Variants in CADM2 observed in about 807,000 individuals in gnomAD.
The protein encoded by CADM2 is cell adhesion molecule 2.
A neutral mutation model predicts 49.8 loss-of-function variants in CADM2; 12 were observed. That is an observed-to-expected ratio of 0.24 (90% CI 0.15 to 0.39). The LOEUF (loss-of-function observed/expected upper bound fraction) is 0.39, where lower values mean the gene tolerates loss of function less well. Ranked by LOEUF, CADM2 falls within the 10% of genes least tolerant of loss-of-function variation. The pLI, the probability that CADM2 is intolerant of heterozygous loss-of-function variation, is 1.00. For synonymous variants in CADM2, 214 were observed against 175.4 expected (o/e 1.22, Z -1.74); for missense variants, 378 against 492.3 (o/e 0.77, Z 2.20).
rs1739661351 is a variant in CADM2, at chr3:86,069,559, G to T, written c.*2776G>T. On this transcript the variant is annotated 3_prime_UTR_variant, in exon 10 of 10. Coordinates refer to ENST00000383699, the MANE Select transcript of CADM2 (RefSeq NM_001167675.2). ...TGCTCATTTCTATTCCAACAAGTCA[G>T]AAAATAATGACATAATATTTCTAAA... 6.6e-6 allele frequency: 1 copy of T among 151,864 alleles called. No individual in the cohort carries two copies. Among genetic ancestry groups the T allele is most frequent in the Non-Finnish European group, 1.5e-5 (1 of 67,874 alleles). The allele number at this position is 151,864 out of a possible 1,614,324, so 9.4% of individuals were successfully genotyped here.
chr3:85,392,794 C>T (rs1162307053), intron 1 of CADM2, among the ~76,000 whole-genome samples: 1 of 151,954 alleles, frequency 6.6e-6, no homozygotes, highest in Non-Finnish European at 1.5e-5. Flanking sequence ...ATAAATAAAA[C>T]AAAGCAAAAC....
At chr3:85,939,438 G>T (rs1466234692) in intron 7 of CADM2, among the ~76,000 whole-genome samples, 2 of 145,430 alleles carry the variant, frequency 1.4e-5, no homozygotes, top group Non-Finnish European at 3.0e-5. Flanking sequence ...CTTTCAGGCA[G>T]CAGCATTCTC....
chr3:85,147,714 T>C (rs1448997035), intron 1 of CADM2, among the ~76,000 whole-genome samples: 1 of 152,172 alleles, frequency 6.6e-6, no homozygotes, highest in Admixed American at 6.5e-5. Context: ...TATCTATCTA[T>C]AAATTTGTTC....
intron 2 of CADM2, among the ~76,000 whole-genome samples, chr3:85,786,053 A>G (rs2070967326): frequency 6.6e-6 from 1 of 152,042 alleles, no homozygotes; most frequent in East Asian, 1.9e-4. Context: ...TTTCCTCCCA[A>G]TATGATAGTG....
intron 1 of CADM2, among the ~76,000 whole-genome samples, chr3:85,393,256 G>C (rs2034608535): frequency 6.6e-6 from 1 of 152,092 alleles, no homozygotes; most frequent in Non-Finnish European, 1.5e-5. Context: ...TTCAGAACTT[G>C]ATGGTAAATT....
intron 1 of CADM2, among the ~76,000 whole-genome samples, chr3:85,627,002 G>A (rs1332867364): frequency 1.3e-5 from 2 of 152,104 alleles, no homozygotes; most frequent in African/African-American, 4.8e-5. Context: ...CAGTGTGTAG[G>A]AATTTTAGTT....
intron 1 of CADM2, among the ~76,000 whole-genome samples, chr3:85,175,963 C>G (rs1282752833): frequency 8.8e-6 from 1 of 113,194 alleles, no homozygotes; most frequent in African/African-American, 3.6e-5. Context: ...GAGTCTCGCT[C>G]TGTCGCCCAG....
intron 1 of CADM2, among the ~76,000 whole-genome samples, chr3:85,441,260 T>C (rs2037190019): frequency 6.6e-6 from 1 of 152,006 alleles, no homozygotes; most frequent in Non-Finnish European, 1.5e-5. Context: ...AACAATCTAA[T>C]TCATAATGCC....
intron 1 of CADM2, among the ~76,000 whole-genome samples, chr3:85,306,084 T>A (rs762279409): frequency 3.3e-5 from 5 of 151,678 alleles, no homozygotes; most frequent in African/African-American, 4.8e-5. Flanking sequence ...CTGAGATAAA[T>A]ATATTATTTG....
At chr3:85,624,916 A>C (rs557261319) in intron 1 of CADM2, among the ~76,000 whole-genome samples, 29 of 152,272 alleles carry the variant, frequency 1.9e-4, no homozygotes, top group African/African-American at 7.0e-4. Context: ...TTAAGTCCAT[A>C]TAGTAGATTG....
intron 1 of CADM2, among the ~76,000 whole-genome samples, chr3:85,541,034 G>T (rs182541443): frequency 3.3e-4 from 50 of 151,868 alleles, no homozygotes; most frequent in Admixed American, 1.8e-3. Context: ...GCAGGTTATG[G>T]CTTCAATATG....
intron 1 of CADM2, among the ~76,000 whole-genome samples, chr3:85,645,015 G>A (rs1448245957): frequency 6.6e-6 from 1 of 151,894 alleles, no homozygotes; most frequent in African/African-American, 2.4e-5. Flanking sequence ...ATTTTTGGAG[G>A]TGTATACTAA....
rs375656398 is a variant in CADM2 at position 85,792,850 on chromosome 3, G to A, written c.89-9197G>A. Among the ~76,000 whole-genome samples the A allele has an allele frequency of 1.4e-4, 21 of 152,154 alleles. No individual in the cohort carries two copies. The South Asian group carries it at 3.1e-3, about 23-fold the overall frequency. On this transcript the variant is annotated intron_variant, in intron 2 of 9. Transcript: ENST00000383699. Reference sequence around the variant, plus strand: ...TTCAAAGATCTCTCTTTACTACTTCGCTTATTGCTTTTATGCTCTAAGGTT... The same window carrying A: ...TTCAAAGATCTCTCTTTACTACTTCACTTATTGCTTTTATGCTCTAAGGTT...
At chr3:85,566,694 G>T (rs1353405647) in intron 1 of CADM2, among the ~76,000 whole-genome samples, 1 of 152,120 alleles carries the variant, frequency 6.6e-6, no homozygotes, top group African/African-American at 2.4e-5. Flanking sequence ...CGAGTGTGTT[G>T]AATTTGTGTT....
intron 1 of CADM2, among the ~76,000 whole-genome samples, chr3:85,204,237 T>C (rs551198413): frequency 6.6e-6 from 1 of 152,306 alleles, no homozygotes; most frequent in South Asian, 2.1e-4. Context: ...TTTTAATCAG[T>C]TTAAATTAAT....
intron 1 of CADM2, among the ~76,000 whole-genome samples, chr3:85,646,121 A>C (rs1468320574): frequency 6.6e-6 from 1 of 151,996 alleles, no homozygotes; most frequent in East Asian, 1.9e-4. Flanking sequence ...AATTACATTC[A>C]ATGTTAAACC....
chr3:85,205,217 C>T (rs1239327493), intron 1 of CADM2, among the ~76,000 whole-genome samples: 1 of 151,948 alleles, frequency 6.6e-6, no homozygotes, highest in Admixed American at 6.6e-5. Flanking sequence ...GAGACAGGGT[C>T]TCACTATATT....
chr3:85,566,217 C>G (rs2062249822), intron 1 of CADM2, among the ~76,000 whole-genome samples: 1 of 152,060 alleles, frequency 6.6e-6, no homozygotes, highest in Admixed American at 6.6e-5. Flanking sequence ...TCTTATCTCT[C>G]CTACTTGCAT....
intron 2 of CADM2, chr3:85,800,435 A>AAAACAAAC (rs375712219): frequency 0.05 from 7,840 of 155,576 alleles, 582 homozygotes; most frequent in African/African-American, 0.16. Flanking sequence ...TGGGATACCA[A>AAAACAAAC]AAACAAACAA....
Sources: allele counts gnomAD v4.1 joint callset (sites outside exome capture counted in the v4.1 genomes callset), GRCh38; gene constraint gnomAD v4.1.1; transcripts MANE v1.5; gene names NCBI Gene and HGNC (gene_info 2026-07-23, HGNC 2026-07-21).